The following CDK17 variants were observed in gnomAD, a reference collection of about 807,000 sequenced individuals.
CDK17 encodes the protein cyclin dependent kinase 17, also known as cyclin-dependent kinase 17.
A neutral mutation model predicts 77.6 loss-of-function variants in CDK17; 24 were observed. The ratio of observed to expected loss-of-function variants is 0.31; its 90% CI spans 0.22 to 0.44. The LOEUF (loss-of-function observed/expected upper bound fraction) is 0.44. Among genes scored for constraint, CDK17 ranks in the 20% least tolerant of loss-of-function variants. The pLI is 1.00. For missense variants in CDK17, 429 were observed against 622.5 expected (o/e 0.69, Z 3.31); for synonymous variants, 203 against 210.4 (o/e 0.96, Z 0.30).
At chr12:96,283,333 T>C (rs762202240) in intron 14 of CDK17, among the ~76,000 whole-genome samples, 1 of 151,938 alleles carries the variant, frequency 6.6e-6, no homozygotes, top group African/African-American at 2.4e-5. Flanking sequence ...TAAGAGAGCA[T>C]AGAGAGCATC....
intron 6 of CDK17, among the ~76,000 whole-genome samples, chr12:96,299,388 A>ATT (rs35168599): frequency 1.2e-4 from 16 of 133,006 alleles, no homozygotes; most frequent in Admixed American, 6.0e-4. Flanking sequence ...TAAATGATAA[A>ATT]TTTTTTTTTT....
chr12:96,388,079 G>C (rs1343017100), intron 1 of CDK17, among the ~76,000 whole-genome samples: 1 of 152,058 alleles, frequency 6.6e-6, no homozygotes, highest in Non-Finnish European at 1.5e-5. Flanking sequence ...AAACCAGCCT[G>C]GGCAACATAG....
intron 1 of CDK17, among the ~76,000 whole-genome samples, chr12:96,386,037 A>G (rs929484696): frequency 6.6e-6 from 1 of 152,198 alleles, no homozygotes; most frequent in Non-Finnish European, 1.5e-5. Context: ...CTTTGTTTTG[A>G]GATAGGGTCT....
chr12:96,365,540 T>C (rs1204657470), intron 1 of CDK17, among the ~76,000 whole-genome samples: 1 of 152,238 alleles, frequency 6.6e-6, no homozygotes, highest in Admixed American at 6.5e-5. Context: ...TTCCTTTCAA[T>C]TTTTGTGAAA....
In CDK17 at chr12:96,279,408, C is replaced by G. The variant is rs558295973; in HGVS notation, c.*834G>C. On this transcript the variant is annotated 3_prime_UTR_variant, in exon 17 of 17. Coordinates refer to ENST00000261211, the MANE Select transcript of CDK17 (RefSeq NM_002595.5). ...TTAAAACAAACAAAGCAAGACCTTT[C>G]GCGTTTGAACAGACTTCTACGGTTA... 9.2e-5 allele frequency: 14 copies of G among 152,180 alleles called. No individual in the cohort carries two copies. Among genetic ancestry groups the G allele is most frequent in the Non-Finnish European group, 1.8e-4 (12 of 68,008 alleles). The allele number at this position is 152,180 out of a possible 1,614,324, so 9.4% of individuals were successfully genotyped here. A position where few individuals can be genotyped will look rare whatever the true frequency, so the allele number is the denominator to read the frequency against.
intron 16 of CDK17, 94 bp from the exon 17 acceptor site, chr12:96,280,373 C>A: frequency 6.6e-7 from 1 of 1,514,332 alleles, no homozygotes; most frequent in Admixed American, 2.2e-5. Flanking sequence ...TTCCCACCAG[C>A]AAAAGCTAAT....
chr12:96,341,471 G>T (rs1953122219), intron 1 of CDK17, among the ~76,000 whole-genome samples: 1 of 152,140 alleles, frequency 6.6e-6, no homozygotes, highest in South Asian at 2.1e-4. Flanking sequence ...GTTACAGAAT[G>T]ACAGCATATA....
intron 1 of CDK17, among the ~76,000 whole-genome samples, chr12:96,354,188 T>A (rs1592748991): frequency 6.6e-6 from 1 of 152,170 alleles, no homozygotes; most frequent in Admixed American, 6.5e-5. Context: ...AAAAGTGAAG[T>A]GATCTGGCCA....
At chr12:96,289,459 AAGCAAATCCTTACATAGTTGAACT>A (rs1334454954) in intron 10 of CDK17, among the ~76,000 whole-genome samples, 172 bp from the exon 11 acceptor site, 17 of 152,224 alleles carry the variant, frequency 1.1e-4, no homozygotes, top group African/African-American at 4.1e-4. Context: ...GGCCCTAAGT[AAGCAAATCCTTACATAGTTGAACT>A]AAACAAGAAT....
chr12:96,376,419 T>C (rs919111647), intron 1 of CDK17, among the ~76,000 whole-genome samples: 1 of 152,228 alleles, frequency 6.6e-6, no homozygotes, highest in Non-Finnish European at 1.5e-5. Flanking sequence ...TTGATGTTCC[T>C]TTCTGGTTTG....
At chr12:96,353,376 C>T (rs1953341640) in intron 1 of CDK17, among the ~76,000 whole-genome samples, 1 of 152,048 alleles carries the variant, frequency 6.6e-6, no homozygotes, top group Non-Finnish European at 1.5e-5. Context: ...ATGTCTTATG[C>T]TTTGGGTTTC....
At chr12:96,377,787 G>A (rs1008239400) in intron 1 of CDK17, among the ~76,000 whole-genome samples, 20 of 144,026 alleles carry the variant, frequency 1.4e-4, no homozygotes, top group Non-Finnish European at 2.5e-4. Flanking sequence ...TCCCCCTCCC[G>A]GGTTCACGCC....
At chr12:96,293,667 C>T (rs916582884) in intron 10 of CDK17, among the ~76,000 whole-genome samples, 1 of 152,166 alleles carries the variant, frequency 6.6e-6, no homozygotes, top group African/African-American at 2.4e-5. Context: ...ATTCATTGAC[C>T]TTGTACTTTA....
intron 1 of CDK17, among the ~76,000 whole-genome samples, chr12:96,352,758 A>G (rs1008243421): frequency 4.6e-5 from 7 of 152,230 alleles, no homozygotes; most frequent in Non-Finnish European, 8.8e-5. Context: ...AGAAACAGAA[A>G]AATGTGACCC....
At chr12:96,388,618 C>T in intron 1 of CDK17, among the ~76,000 whole-genome samples, 1 of 152,152 alleles carries the variant, frequency 6.6e-6, no homozygotes, top group African/African-American at 2.4e-5. Flanking sequence ...AATTTTATTA[C>T]CACTACCAAT....
chr12:96,283,105 A>G (rs567148068), intron 14 of CDK17, among the ~76,000 whole-genome samples: 3 of 152,266 alleles, frequency 2.0e-5, no homozygotes, highest in Admixed American at 1.3e-4. Flanking sequence ...CTGCTCCCCA[A>G]TTCCCAGTCT....
At position 96,300,325 on chromosome 12, in the gene CDK17, G is replaced by T. The variant is rs377471751; in HGVS notation, c.579C>A (p.Ile193=). 7.5e-6 allele frequency: 12 copies of T among 1,597,902 alleles called. No homozygotes were observed. Among genetic ancestry groups the T allele is most frequent in the Non-Finnish European group, 1.0e-5 (12 of 1,170,072 alleles). Residue 193 remains isoleucine, a synonymous_variant, in exon 6 of 17, where the codon ATC becomes ATA. Coordinates refer to ENST00000261211, the MANE Select transcript of CDK17 (RefSeq NM_002595.5). ...EIGFGKMETY[I]KLEKLGEGTY... is the part of the protein sequence containing the mutation. ...TTACCTCTCCAAGCTTTTCCAATTTGATGTAGGTTTCCATTTTTCCAAAGC... is the reference window on the plus strand; with the variant it reads ...TTACCTCTCCAAGCTTTTCCAATTTTATGTAGGTTTCCATTTTTCCAAAGC...
At chr12:96,280,639 C>A in intron 16 of CDK17, 169 bp downstream of exon 16, 1 of 1,424,396 alleles carries the variant, frequency 7.0e-7, no homozygotes, top group Non-Finnish European at 9.1e-7. Context: ...CTGAGCTGCC[C>A]ACATCATACA....
chr12:96,387,485 T>C (rs1285440508), intron 1 of CDK17, among the ~76,000 whole-genome samples: 1 of 152,186 alleles, frequency 6.6e-6, no homozygotes, highest in Non-Finnish European at 1.5e-5. Context: ...ACAAGAATGA[T>C]TCTGAAGTTG....
Sources: allele counts gnomAD v4.1 joint callset (sites outside exome capture counted in the v4.1 genomes callset), GRCh38; gene constraint gnomAD v4.1.1; transcripts MANE v1.5; gene names NCBI Gene and HGNC (gene_info 2026-07-23, HGNC 2026-07-21).